Variants in PHACTR3 observed in about 807,000 individuals in gnomAD.
The protein encoded by PHACTR3 is protein phosphatase 1, regulatory subunit 123.
Under a neutral mutation model 66.8 loss-of-function variants are expected in PHACTR3, and 16 were observed. The ratio of observed to expected loss-of-function variants is 0.24; its 90% CI spans 0.16 to 0.36. The LOEUF is 0.36. Ranked by LOEUF, PHACTR3 falls within the 10% of genes least tolerant of loss-of-function variation. The pLI is 1.00. For synonymous variants in PHACTR3, 323 were observed against 292.1 expected, an observed-to-expected ratio of 1.11 and a Z score of -1.08; for missense variants, 647 against 719.9, an observed-to-expected ratio of 0.90 and a Z score of 1.16.
At chr20:59,751,500 C>T (rs2039581109) in intron 3 of PHACTR3, among the ~76,000 whole-genome samples, 2 of 152,146 alleles carry the variant, frequency 1.3e-5, no homozygotes, top group Admixed American at 1.3e-4. Context: ...ACACATTGGA[C>T]ACCCTGGAGC....
At chr20:59,644,599 C>T (rs1265011087) in intron 1 of PHACTR3, among the ~76,000 whole-genome samples, 1 of 152,180 alleles carries the variant, frequency 6.6e-6, no homozygotes, top group Non-Finnish European at 1.5e-5. Context: ...CAAATGTATC[C>T]TTTGGCGGTA....
chr20:59,585,298 G>C (rs2146304307), intron 1 of PHACTR3, among the ~76,000 whole-genome samples: 1 of 152,344 alleles, frequency 6.6e-6, no homozygotes, highest in South Asian at 2.1e-4. Context: ...TGAGGTTGGA[G>C]GTGATGTTGT....
chr20:59,773,350 C>T lies in PHACTR3; in HGVS notation c.823C>T (p.Pro275Ser), dbSNP rs1367724270. Residue 275 changes from proline (P) to serine (S), a missense_variant, in exon 6 of 13, where the codon CCC becomes TCC. This residue lies in a region of PHACTR3 where 577 missense variants were observed against 571.1 expected (regional missense o/e 1.01). Transcript: ENST00000371015. ...DPSLRGQLST[P>S]TGSPHLTTVH... ...TTCCCTCCGGGGCCAGCTCTCCACA[C>T]CCACGGGGTCTCCGCATCTCACCAC... The T allele has an allele frequency of 6.2e-7, 1 of 1,614,244 alleles. No individual in the cohort carries two copies. The highest frequency in any genetic ancestry group is 1.1e-5 in the South Asian group (1 of 91,086).
chr20:59,800,165 T>G (rs750581904), intron 7 of PHACTR3, among the ~76,000 whole-genome samples: 9 of 152,208 alleles, frequency 5.9e-5, no homozygotes, highest in Non-Finnish European at 1.0e-4. Context: ...CTACTTTATT[T>G]TTAGTATCAA....
At chr20:59,716,823 G>A (rs1255352482) in intron 1 of PHACTR3, among the ~76,000 whole-genome samples, 1 of 152,138 alleles carries the variant, frequency 6.6e-6, no homozygotes, top group African/African-American at 2.4e-5. Flanking sequence ...TGCAAAACCA[G>A]GCACACAGTA....
intron 1 of PHACTR3, among the ~76,000 whole-genome samples, chr20:59,739,243 C>A (rs985790243): frequency 6.6e-6 from 1 of 152,056 alleles, no homozygotes; most frequent in Non-Finnish European, 1.5e-5. Flanking sequence ...GTTTGCAGAG[C>A]CCAGAATGTC....
intron 1 of PHACTR3, among the ~76,000 whole-genome samples, chr20:59,739,786 C>A (rs1020188452): frequency 1.3e-5 from 2 of 151,998 alleles, no homozygotes; most frequent in Non-Finnish European, 2.9e-5. Context: ...CATGCCCCAA[C>A]CCACCTAGGG....
intron 1 of PHACTR3, among the ~76,000 whole-genome samples, chr20:59,702,446 A>G (rs2037540075): frequency 6.6e-6 from 1 of 152,188 alleles, no homozygotes; most frequent in African/African-American, 2.4e-5. Context: ...CTGAAATGAC[A>G]CATCCTCTAA....
At chr20:59,661,815 G>T (rs1044122499) in intron 1 of PHACTR3, among the ~76,000 whole-genome samples, 1 of 152,090 alleles carries the variant, frequency 6.6e-6, no homozygotes, top group Non-Finnish European at 1.5e-5. Flanking sequence ...AACCTGATCT[G>T]TGTGCACGAC....
intron 8 of PHACTR3, among the ~76,000 whole-genome samples, chr20:59,833,563 C>T (rs1050704782): frequency 3.3e-5 from 5 of 152,080 alleles, no homozygotes; most frequent in African/African-American, 1.2e-4. Context: ...CGGGGGGAAG[C>T]CTTGTTCGGG....
chr20:59,726,944 T>A (rs2038586075), intron 1 of PHACTR3, among the ~76,000 whole-genome samples: 1 of 152,186 alleles, frequency 6.6e-6, no homozygotes, highest in African/African-American at 2.4e-5. Flanking sequence ...GTGTTTTTGA[T>A]TAAATTCTTA....
chr20:59,592,932 A>G (rs918354687), intron 1 of PHACTR3, among the ~76,000 whole-genome samples: 1 of 152,226 alleles, frequency 6.6e-6, no homozygotes, highest in Admixed American at 6.5e-5. Context: ...AAATTTTGAC[A>G]ATTATGAATA....
chr20:59,612,917 T>A (rs1387008961), intron 1 of PHACTR3, among the ~76,000 whole-genome samples: 2 of 152,042 alleles, frequency 1.3e-5, no homozygotes, highest in Non-Finnish European at 1.5e-5. Context: ...AGCCAGCACA[T>A]CACACAGTGA....
At chr20:59,585,978 T>A (rs2033017958) in intron 1 of PHACTR3, among the ~76,000 whole-genome samples, 1 of 152,206 alleles carries the variant, frequency 6.6e-6, no homozygotes, top group African/African-American at 2.4e-5. Flanking sequence ...TTTTAGACCG[T>A]CTTGAATGAT....
At chr20:59,751,268 G>C (rs1433284864) in intron 3 of PHACTR3, among the ~76,000 whole-genome samples, 4 of 152,190 alleles carry the variant, frequency 2.6e-5, no homozygotes, top group African/African-American at 9.6e-5. Context: ...TCTGCAGCCG[G>C]GGGCGCCCTC....
intron 1 of PHACTR3, among the ~76,000 whole-genome samples, chr20:59,699,447 C>T (rs1220564153): frequency 6.6e-6 from 1 of 152,164 alleles, no homozygotes; most frequent in East Asian, 1.9e-4. Context: ...GTTTTGTTTA[C>T]TCCAGTCTCC....
chr20:59,746,223 C>T (rs1319874184), intron 2 of PHACTR3, among the ~76,000 whole-genome samples: 1 of 152,206 alleles, frequency 6.6e-6, no homozygotes, highest in Non-Finnish European at 1.5e-5. Flanking sequence ...GGGTAAATAT[C>T]CTCAGGGAAG....
intron 1 of PHACTR3, among the ~76,000 whole-genome samples, chr20:59,688,140 A>G (rs928737509): frequency 1.3e-5 from 2 of 152,196 alleles, no homozygotes; most frequent in Non-Finnish European, 2.9e-5. Flanking sequence ...TGATTTTCCT[A>G]TTAGAGCCAA....
intron 1 of PHACTR3, 32 bp downstream of exon 1, chr20:59,605,164 C>CG: frequency 8.7e-7 from 1 of 1,145,874 alleles, no homozygotes; most frequent in Non-Finnish European, 1.1e-6. Flanking sequence ...GCGGGCGGGT[C>CG]GGGGAGGCCC....
Sources: allele counts gnomAD v4.1 joint callset (sites outside exome capture counted in the v4.1 genomes callset), GRCh38; gene constraint gnomAD v4.1.1; regional missense constraint gnomAD v4.1.1; transcripts MANE v1.5; gene names NCBI Gene and HGNC (gene_info 2026-07-23, HGNC 2026-07-21).